RAP1GDS1: variants seen among roughly 807,000 people sequenced by gnomAD.
RAP1GDS1 encodes the protein Rap1 GTPase-GDP dissociation stimulator 1.
Under a neutral mutation model 71.1 loss-of-function variants are expected in RAP1GDS1, and 35 were observed. The observed-to-expected ratio is 0.49, with a 90% CI of 0.38 to 0.65. The LOEUF is 0.65. Among genes scored for constraint, RAP1GDS1 ranks in the 30% least tolerant of loss-of-function variants. The pLI is 0.00. For missense variants in RAP1GDS1, 663 were observed against 706.1 expected, an observed-to-expected ratio of 0.94 and a Z score of 0.69; for synonymous variants, 229 against 243.1, an observed-to-expected ratio of 0.94 and a Z score of 0.54.
chr4:98,383,432 T>A (rs963447969), intron 5 of RAP1GDS1, among the ~76,000 whole-genome samples: 50 of 151,690 alleles, frequency 3.3e-4, no homozygotes, highest in Middle Eastern at 3.4e-3. Flanking sequence ...TATATATGAT[T>A]TCTACAAATA....
At chr4:98,262,623 CCT>C (rs1560737247) in intron 1 of RAP1GDS1, among the ~76,000 whole-genome samples, 2 of 152,168 alleles carry the variant, frequency 1.3e-5, no homozygotes, top group Admixed American at 6.5e-5. Flanking sequence ...GTCATAATTT[CCT>C]CTTTTTAAAA....
At chr4:98,314,957 C>T (rs1430295836) in intron 2 of RAP1GDS1, among the ~76,000 whole-genome samples, 3 of 152,090 alleles carry the variant, frequency 2.0e-5, no homozygotes, top group Admixed American at 2.0e-4. Flanking sequence ...CTTCTCAATA[C>T]TGGTAGCCTT....
At chr4:98,360,264 G>A (rs1326676051) in intron 4 of RAP1GDS1, among the ~76,000 whole-genome samples, 1 of 152,088 alleles carries the variant, frequency 6.6e-6, no homozygotes, top group South Asian at 2.1e-4. Flanking sequence ...GAAAGTAGAG[G>A]CAACCTGTGA....
chr4:98,430,103 G>A (rs575340831), intron 12 of RAP1GDS1, among the ~76,000 whole-genome samples: 16 of 152,014 alleles, frequency 1.1e-4, no homozygotes, highest in Non-Finnish European at 1.3e-4. Context: ...CCCACTTCTC[G>A]CCCATCCCCG....
At chr4:98,272,404 C>T (rs916933900) in intron 1 of RAP1GDS1, among the ~76,000 whole-genome samples, 2 of 152,030 alleles carry the variant, frequency 1.3e-5, no homozygotes, top group African/African-American at 2.4e-5. Context: ...TAAAAGTTGT[C>T]GAGATGCTTG....
At chr4:98,310,231 GCTAT>G (rs1311518552) in intron 2 of RAP1GDS1, among the ~76,000 whole-genome samples, 1 of 152,018 alleles carries the variant, frequency 6.6e-6, no homozygotes, top group East Asian at 1.9e-4. Flanking sequence ...CAAACATTGT[GCTAT>G]CTCACAATAA....
intron 7 of RAP1GDS1, among the ~76,000 whole-genome samples, chr4:98,407,812 A>G (rs938986790): frequency 6.6e-6 from 1 of 150,572 alleles, no homozygotes; most frequent in Admixed American, 6.7e-5. Flanking sequence ...CACTTGTACC[A>G]CTAAAGCTAT....
chr4:98,376,192 A>C (rs142369224), intron 4 of RAP1GDS1, among the ~76,000 whole-genome samples: 1 of 152,132 alleles, frequency 6.6e-6, no homozygotes, highest in Non-Finnish European at 1.5e-5. Flanking sequence ...TGGATGCTTC[A>C]TAATTAAATG....
At chr4:98,314,181 G>C (rs1226816128) in intron 2 of RAP1GDS1, among the ~76,000 whole-genome samples, 1 of 152,082 alleles carries the variant, frequency 6.6e-6, no homozygotes, top group Admixed American at 6.5e-5. Context: ...ATAAAGGCAA[G>C]GTAATTTTCT....
Position 98,442,303 on chromosome 4 carries a change from CT to C in RAP1GDS1, c.*189del. 6 of 788,542 alleles carry C rather than the reference CT, an allele frequency of 7.6e-6. No individual in the cohort carries two copies. Among genetic ancestry groups the C allele is most frequent in the Non-Finnish European group, 1.1e-5 (6 of 545,082 alleles). The allele number at this position is 788,542 out of a possible 1,614,324, so 48.8% of individuals were successfully genotyped here. The stretch of plus-strand genomic sequence containing the variant: ...AAACCTATAGTTAGTGTGATCATGA[CT>C]TTGTCAAAGGCAAGTCTCCACCCAT... On this transcript the variant is annotated 3_prime_UTR_variant, in exon 15 of 15. Transcript: ENST00000408927.
intron 2 of RAP1GDS1, among the ~76,000 whole-genome samples, chr4:98,303,722 G>T (rs1481211895): frequency 1.3e-5 from 2 of 151,542 alleles, no homozygotes; most frequent in Non-Finnish European, 2.9e-5. Context: ...TTAAGTTCTG[G>T]AATACATGTG....
intron 7 of RAP1GDS1, among the ~76,000 whole-genome samples, chr4:98,414,091 G>T (rs1430177743): frequency 1.0e-4 from 15 of 150,568 alleles, no homozygotes; most frequent in Non-Finnish European, 1.6e-4. Context: ...ATTTGTTTGA[G>T]TTCATTGTAG....
chr4:98,322,379 A>G (rs1578431913), intron 2 of RAP1GDS1, among the ~76,000 whole-genome samples: 1 of 111,592 alleles, frequency 9.0e-6, no homozygotes, highest in East Asian at 2.5e-4. Flanking sequence ...AAAGTCAACA[A>G]GGATACCCAG....
intron 2 of RAP1GDS1, among the ~76,000 whole-genome samples, chr4:98,309,825 A>G (rs1354487650): frequency 6.6e-6 from 1 of 151,844 alleles, no homozygotes; most frequent in Non-Finnish European, 1.5e-5. Flanking sequence ...AGAAATGTGA[A>G]TATTTCATGT....
Position 98,420,133 on chromosome 4 carries a change from T to C in RAP1GDS1, c.1289T>C (p.Ile430Thr). Residue 430 changes from isoleucine (I) to threonine (T), a missense_variant, in exon 11 of 15, where the codon ATA (isoleucine) becomes ACA (threonine). Transcript: ENST00000408927. Reference sequence around the variant, plus strand: ...CTTCTGGGAACATTAAGAATGTTAATAGATGCACAAGGTAAAAGAAATGTT... The same window carrying C: ...CTTCTGGGAACATTAAGAATGTTAACAGATGCACAAGGTAAAAGAAATGTT... ...FKLLGTLRML[I>T]DAQAEAAEQL... 2 of 1,562,004 alleles carry C rather than the reference T, an allele frequency of 1.3e-6. No individual in the cohort carries two copies. The highest frequency in any genetic ancestry group is 1.3e-5 in the South Asian group (1 of 79,638).
intron 2 of RAP1GDS1, among the ~76,000 whole-genome samples, chr4:98,299,705 G>A (rs756993276): frequency 1.3e-5 from 2 of 151,240 alleles, no homozygotes; most frequent in Non-Finnish European, 2.9e-5. Flanking sequence ...CACGATCTCA[G>A]CTCAGTGCAA....
At chr4:98,441,773 T>A in intron 14 of RAP1GDS1, 1 of 559,150 alleles carries the variant, frequency 1.8e-6, no homozygotes, top group Non-Finnish European at 2.3e-6. Context: ...TCTTTAAAAT[T>A]TTTTCCTTTA....
At position 98,379,094 on chromosome 4, in the gene RAP1GDS1, A is replaced by C; in HGVS notation, c.439A>C (p.Thr147Pro). Residue 147 changes from threonine (T) to proline (P), a missense_variant, in exon 5 of 15, where the codon ACA becomes CCA. Coordinates refer to ENST00000408927, the MANE Select transcript of RAP1GDS1 (RefSeq NM_001100427.2). The part of the protein sequence containing the change: ...IDHLRSLCSI[T>P]DPANEKLLTV... ...CCATTTAAGGTCACTGTGCAGTATAACAGATCCCGCCAATGAGAAGCTCTT... is the reference window on the plus strand; with the variant it reads ...CCATTTAAGGTCACTGTGCAGTATACCAGATCCCGCCAATGAGAAGCTCTT... 3.1e-6 allele frequency: 5 copies of C among 1,611,228 alleles called. No homozygotes were observed. The highest frequency in any genetic ancestry group is 4.2e-6 in the Non-Finnish European group (5 of 1,178,412).
chr4:98,287,452 A>G (rs10005811), intron 1 of RAP1GDS1, among the ~76,000 whole-genome samples: 21,641 of 152,136 alleles, frequency 0.14, 2,249 homozygotes, highest in African/African-American at 0.29. Context: ...AACCTGGAAC[A>G]AAAGAGGTGT....
Sources: gnomAD v4.1 joint callset for allele counts (sites outside exome capture counted in the v4.1 genomes callset) on GRCh38, gnomAD v4.1.1 for gene constraint, MANE v1.5 for transcripts, NCBI Gene and HGNC (gene_info 2026-07-23, HGNC 2026-07-21) for gene names.